The following CUX1 variants were observed in gnomAD, a reference collection of about 807,000 sequenced individuals.
CUX1 encodes the protein cut like homeobox 1, also known as protein CASP.
A neutral mutation model predicts 158.8 loss-of-function variants in CUX1; 31 were observed. That is an observed-to-expected ratio of 0.20 (90% confidence interval 0.15 to 0.26). CUX1 has a LOEUF of 0.26. CUX1 is among the 10% of genes least tolerant of loss of function. The probability of loss-of-function intolerance (pLI) is 1.00; values close to 1 mark genes in which losing one functional copy is unlikely to be tolerated. For missense variants in CUX1, 1,589 were observed against 2,014.6 expected (o/e 0.79, Z 4.04); for synonymous variants, 879 against 862.1 (o/e 1.02, Z -0.34).
intron 13 of CUX1, among the ~76,000 whole-genome samples, chr7:102,195,116 CAAAAA>C (rs35700064): frequency 8.1e-6 from 1 of 123,366 alleles, no homozygotes. Flanking sequence ...TTGTGGCTGG[CAAAAA>C]AAAAAAAAAA....
At chr7:101,842,184 T>G (rs1055272124) in intron 1 of CUX1, among the ~76,000 whole-genome samples, 1 of 152,218 alleles carries the variant, frequency 6.6e-6, no homozygotes, top group African/African-American at 2.4e-5. Context: ...TTGGAATCTA[T>G]GAGGTCTTCT....
chr7:102,248,993 G>T lies in CUX1; in HGVS notation c.4469G>T (p.Arg1490Leu). The T allele has an allele frequency of 7.1e-7, 1 of 1,416,790 alleles. No homozygotes were observed. Among genetic ancestry groups the T allele is most frequent in the Non-Finnish European group, 9.3e-7 (1 of 1,074,464 alleles). The allele number at this position is 1,416,790 out of a possible 1,614,324, so 87.8% of individuals were successfully genotyped here. A position where few individuals can be genotyped will look rare whatever the true frequency, so the allele number is the denominator to read the frequency against. The change falls in exon 24 of 24, where the codon CGC (arginine) becomes CTC (leucine). Residue 1490 changes from arginine to leucine, a missense_variant. Around this residue, in one of 8 missense-constraint regions of CUX1, gnomAD observed 344 missense variants for 323.7 expected, o/e 1.06. Coordinates refer to ENST00000292535, the MANE Select transcript of CUX1 (RefSeq NM_181552.4). This position sits in a 1 kb window ranked among gnomAD's most constrained non-coding sequence, Gnocchi z 5.8. ...GCGAACTTGAACAGCATCATCCACC[G>T]CCTGGAGAAGGCCGCCAGCCGGGAG... ...KAANLNSIIH[R>L]LEKAASREEP...
chr7:102,127,053 G>A (rs941341396), intron 8 of CUX1, among the ~76,000 whole-genome samples: 1 of 152,180 alleles, frequency 6.6e-6, no homozygotes, highest in African/African-American at 2.4e-5. Flanking sequence ...GGGAGGCAGA[G>A]CTCAAGCAGT....
intron 20 of CUX1, among the ~76,000 whole-genome samples, chr7:102,216,582 T>TCC (rs1410381966): frequency 3.5e-4 from 4 of 11,332 alleles, no homozygotes; most frequent in Admixed American, 1.4e-3. Context: ...ACACACACTC[T>TCC]CCCACACACA....
At position 102,170,540 on chromosome 7, in the gene CUX1, C is replaced by T; in HGVS notation, c.818C>T (p.Ala273Val). The stretch of plus-strand genomic sequence containing the variant: ...CAGCTGGCCTCACAGATCCAGAAGG[C>T]ACCAGACGTGGTGGGTAGCCCCGGC... The part of the protein sequence containing the change: ...SLQLASQIQK[A>V]PDVEQAIEVL... The change falls in exon 10 of 24, where the codon GCA (alanine) becomes GTA (valine). Residue 273 changes from alanine (A) to valine (V), a missense_variant. This residue lies in a region of CUX1 where 515 missense variants were observed against 574.4 expected (regional missense o/e 0.90). Coordinates refer to ENST00000292535, the MANE Select transcript of CUX1 (RefSeq NM_181552.4). 1 of 1,580,738 alleles carries T rather than the reference C, an allele frequency of 6.3e-7. No individual in the cohort carries two copies. The highest frequency in any genetic ancestry group is 2.3e-5 in the East Asian group (1 of 42,704).
chr7:102,114,344 C>T (rs186497257), intron 7 of CUX1, among the ~76,000 whole-genome samples: 6 of 152,258 alleles, frequency 3.9e-5, no homozygotes, highest in African/African-American at 1.2e-4. Context: ...GGCATGATCT[C>T]GGCTCACTGC....
chr7:102,175,420 T>G (rs1792204589), intron 10 of CUX1, among the ~76,000 whole-genome samples: 1 of 152,172 alleles, frequency 6.6e-6, no homozygotes, highest in Non-Finnish European at 1.5e-5. Flanking sequence ...ATTCAACCTG[T>G]GCCCAGACTG....
At chr7:102,276,105 C>T (rs1791589403) in intron 17 of CUX1, among the ~76,000 whole-genome samples, 1 of 152,110 alleles carries the variant, frequency 6.6e-6, no homozygotes, top group Non-Finnish European at 1.5e-5. Context: ...TATTCATTTA[C>T]ATTGCTTCCA....
rs374801556 is a variant in CUX1 at position 102,277,945 on chromosome 7, C to G, written c.1564-4C>G. ...CACCCCTTTCCTTGCCCCTCCCCCCCCAGGAGAACCGCCTGGCCCAGCACA... is the reference window on the plus strand; with the variant it reads ...CACCCCTTTCCTTGCCCCTCCCCCCGCAGGAGAACCGCCTGGCCCAGCACA... On this transcript the variant is annotated splice_region_variant and splice_polypyrimidine_tract_variant and intron_variant, in intron 17 of 22. Transcript: ENST00000292538. 1.1e-4 allele frequency: 173 copies of G among 1,506,198 alleles called. No homozygotes were observed. The African/African-American group carries it at 2.0e-3, about 18-fold the overall frequency. The allele number at this position is 1,506,198 out of a possible 1,614,324, so 93.3% of individuals were successfully genotyped here. A position where few individuals can be genotyped will look rare whatever the true frequency, so the allele number is the denominator to read the frequency against.
intron 2 of CUX1, among the ~76,000 whole-genome samples, chr7:102,010,880 G>A (rs1303067772): frequency 6.6e-6 from 1 of 152,198 alleles, no homozygotes; most frequent in Non-Finnish European, 1.5e-5. Flanking sequence ...GGAGGCCGAG[G>A]TGGGCGGATC....
At position 102,201,838 on chromosome 7, in the gene CUX1, C is replaced by A. The variant is rs375527499; in HGVS notation, c.2541C>A (p.Gly847=). 1.2e-6 allele frequency: 2 copies of A among 1,613,012 alleles called. No individual in the cohort carries two copies. The highest frequency in any genetic ancestry group is 1.7e-6 in the Non-Finnish European group (2 of 1,179,894). The change falls in exon 18 of 24, where the codon GGC becomes GGA. Residue 847 remains glycine (G), a synonymous_variant. Transcript: ENST00000292535. The surrounding 1 kb of genome is among the most constrained non-coding windows in gnomAD (Gnocchi z 5.0). Reference sequence around the variant, plus strand: ...AGGAGGCCAAGGCCGAAGAAACGGGCGGCGGGAAAGAGAAGGGCAGCGGTG... The same window carrying A: ...AGGAGGCCAAGGCCGAAGAAACGGGAGGCGGGAAAGAGAAGGGCAGCGGTG... ...SSEEAKAEET[G]GGKEKGSGGS... is the part of the protein sequence containing the mutation.
Position 101,893,158 on chromosome 7 carries a change from C to CTTTTTTTTTTTTTTTTT in CUX1, c.31-22946_31-22930dup, listed in dbSNP as rs10589615. Among the ~76,000 whole-genome samples, 25 of 64,950 alleles carry CTTTTTTTTTTTTTTTTT rather than the reference C, an allele frequency of 3.8e-4. 5 individuals are homozygous for CTTTTTTTTTTTTTTTTT. The highest frequency in any genetic ancestry group is 5.5e-4 in the Non-Finnish European group (20 of 36,620). The allele number at this position is 64,950 out of a possible 152,430, so 42.6% of individuals were successfully genotyped here. On this transcript the variant is annotated intron_variant, in intron 1 of 23. Coordinates refer to ENST00000292535, the MANE Select transcript of CUX1 (RefSeq NM_181552.4). Reference sequence around the variant, plus strand: ...TTCTTTTTACTTTTTATTTTTATTACTTTTTTTTTTTTTTTTTTTTTTTTT... The same window carrying CTTTTTTTTTTTTTTTTT: ...TTCTTTTTACTTTTTATTTTTATTACTTTTTTTTTTTTTTTTTTTTTTTTTTTTTTTTTTTTTTTTTT...
intron 10 of CUX1, among the ~76,000 whole-genome samples, chr7:102,177,149 C>T (rs1586059921): frequency 2.0e-5 from 3 of 152,026 alleles, no homozygotes; most frequent in Non-Finnish European, 2.9e-5. Context: ...CACAGTGGCT[C>T]ATGCCTATAA....
chr7:102,042,041 AGTGAGTGT>A (rs1012497111), intron 3 of CUX1, among the ~76,000 whole-genome samples: 16 of 149,110 alleles, frequency 1.1e-4, no homozygotes, highest in African/African-American at 3.7e-4. Flanking sequence ...TGTGAGTGTG[AGTGAGTGT>A]GTGAGTGTGT....
chr7:102,105,499 T>A (rs1411224880), intron 6 of CUX1, among the ~76,000 whole-genome samples: 2 of 138,852 alleles, frequency 1.4e-5, no homozygotes, highest in African/African-American at 5.4e-5. Context: ...CCCAACCATA[T>A]AGATCTTTTT....
In CUX1 at chr7:102,111,739, A is replaced by C; in HGVS notation, c.572A>C (p.Glu191Ala). 6.2e-7 allele frequency: 1 copy of C among 1,614,206 alleles called. No homozygotes were observed. The highest frequency in any genetic ancestry group is 1.3e-5 in the African/African-American group (1 of 75,068). ...CAGATGTCCACCACCTCAAAGCTGG[A>C]GGAAGCTGAGCATAAGGTTCAGAGC... ...ETQMSTTSKL[E>A]EAEHKVQSLQ... Residue 191 changes from glutamate to alanine, a missense_variant, in exon 7 of 24, where the codon GAG becomes GCG. Glu to Ala is a moderately radical substitution (Grantham distance 107). Transcript: ENST00000292535.
At chr7:101,917,049 T>C (rs1346366559) in intron 2 of CUX1, among the ~76,000 whole-genome samples, 6 of 152,136 alleles carry the variant, frequency 3.9e-5, no homozygotes, top group Non-Finnish European at 7.4e-5. Flanking sequence ...ATCTTCCCCT[T>C]GTATGGGAAG....
At chr7:101,981,341 C>CT (rs754183834) in intron 2 of CUX1, among the ~76,000 whole-genome samples, 2 of 152,168 alleles carry the variant, frequency 1.3e-5, no homozygotes, top group Non-Finnish European at 2.9e-5. Flanking sequence ...AACATGTCTT[C>CT]TTTTTTGTGA....
At chr7:102,141,789 A>ATTTTTTTTTTTTTTT (rs71123009) in intron 8 of CUX1, among the ~76,000 whole-genome samples, 16 of 102,574 alleles carry the variant, frequency 1.6e-4, no homozygotes, top group South Asian at 3.5e-4. Context: ...CTCTCAGCTA[A>ATTTTTTTTTTTTTTT]TTTTTTTTTT....
Sources: gnomAD v4.1 joint callset for allele counts (sites outside exome capture counted in the v4.1 genomes callset) on GRCh38, gnomAD v4.1.1 for gene constraint, gnomAD v4.1.1 regional missense constraint, Gnocchi (gnomAD v3.1) non-coding constraint, MANE v1.5 for transcripts, NCBI Gene and HGNC (gene_info 2026-07-23, HGNC 2026-07-21) for gene names.